The following CIITA variants were observed in gnomAD, a reference collection of about 807,000 sequenced individuals.
The protein encoded by CIITA is class II major histocompatibility complex transactivator, also known as MHC class II transactivator.
CIITA carries 72 observed loss-of-function variants against 115.1 expected under a neutral mutation model. The ratio of observed to expected loss-of-function variants is 0.63; its 90% CI spans 0.52 to 0.76. The LOEUF (loss-of-function observed/expected upper bound fraction) is 0.76, where lower values mean the gene tolerates loss of function less well. CIITA is among the 30% of genes least tolerant of loss of function. The pLI is 0.00. For synonymous variants in CIITA, 763 were observed against 635.6 expected, an observed-to-expected ratio of 1.20 and a Z score of -3.02; for missense variants, 1,617 against 1,463.8, an observed-to-expected ratio of 1.10 and a Z score of -1.71.
intron 1 of CIITA, among the ~76,000 whole-genome samples, chr16:10,878,657 G>C (rs993493678): frequency 6.6e-6 from 1 of 152,196 alleles, no homozygotes; most frequent in African/African-American, 2.4e-5. Context: ...CCCAGGGGTG[G>C]GGACAAGCTC....
chr16:10,868,288 TC>T (rs1475059273), intron 1 of CIITA, among the ~76,000 whole-genome samples: 1 of 148,234 alleles, frequency 6.7e-6, no homozygotes, highest in Non-Finnish European at 1.5e-5. Context: ...CTTGCCCAGG[TC>T]CCCCAGGTGG....
At chr16:10,883,218 C>A (rs969014799) in intron 1 of CIITA, among the ~76,000 whole-genome samples, 2 of 152,194 alleles carry the variant, frequency 1.3e-5, no homozygotes, top group African/African-American at 4.8e-5. Context: ...CCACCCCCTA[C>A]CCCAGCACCA....
intron 1 of CIITA, among the ~76,000 whole-genome samples, chr16:10,887,578 C>T (rs1396716596): frequency 1.3e-5 from 2 of 151,874 alleles, no homozygotes; most frequent in Non-Finnish European, 2.9e-5. Context: ...TCACTGCAAC[C>T]TCCGCCTCCC....
chr16:10,868,530 T>A (rs2035250330), intron 1 of CIITA, among the ~76,000 whole-genome samples: 1 of 152,174 alleles, frequency 6.6e-6, no homozygotes, highest in Non-Finnish European at 1.5e-5. Flanking sequence ...CTCCTAACAG[T>A]CACCTAGGCA....
At chr16:10,915,934 A>T (rs537886233) in intron 14 of CIITA, among the ~76,000 whole-genome samples, 1 of 152,168 alleles carries the variant, frequency 6.6e-6, no homozygotes, top group Non-Finnish European at 1.5e-5. Context: ...GAGTGATGAG[A>T]TGACGCCACA....
Position 10,923,347 on chromosome 16 carries a change from G to T in CIITA, c.*22+22G>T. On this transcript the variant is annotated intron_variant, in intron 19 of 19. Coordinates refer to ENST00000324288, the MANE Select transcript of CIITA (RefSeq NM_000246.4). This position sits in a 1 kb window ranked among gnomAD's most constrained non-coding sequence, Gnocchi z 5.2. ...CAGGGTAACCAGGGTGGGCTTGGGA[G>T]GGGAGAGCCGCAGTGGGTTGGGGGC... 2 of 1,501,198 alleles carry T rather than the reference G, an allele frequency of 1.3e-6. No homozygotes were observed. The highest frequency in any genetic ancestry group is 9.3e-7 in the Non-Finnish European group (1 of 1,079,096). The allele number at this position is 1,501,198 out of a possible 1,614,324, so 93.0% of individuals were successfully genotyped here. A position where few individuals can be genotyped will look rare whatever the true frequency, so the allele number is the denominator to read the frequency against.
At chr16:10,918,037 C>G (rs1218802749) in intron 15 of CIITA, among the ~76,000 whole-genome samples, 1 of 152,216 alleles carries the variant, frequency 6.6e-6, no homozygotes. Context: ...TACTATGTGC[C>G]TGGCAGTGCT....
chr16:10,910,688 A>G, intron 13 of CIITA, among the ~76,000 whole-genome samples: 1 of 152,158 alleles, frequency 6.6e-6, no homozygotes, highest in East Asian at 1.9e-4. Context: ...AGGAATTGTA[A>G]TTTCGCCAGG....
intron 1 of CIITA, among the ~76,000 whole-genome samples, chr16:10,883,056 C>A (rs1050129099): frequency 9.2e-5 from 14 of 152,148 alleles, no homozygotes; most frequent in Non-Finnish European, 2.1e-4. Flanking sequence ...GTAGTCAGAT[C>A]TCAGCAAGCA....
chr16:10,900,003 C>T (rs1282571452), intron 5 of CIITA, among the ~76,000 whole-genome samples: 1 of 152,118 alleles, frequency 6.6e-6, no homozygotes, highest in Non-Finnish European at 1.5e-5. Flanking sequence ...ATCGCTTGAA[C>T]CCAGGAGGTG....
intron 1 of CIITA, among the ~76,000 whole-genome samples, chr16:10,869,503 C>T (rs1223400130): frequency 6.9e-6 from 1 of 144,732 alleles, no homozygotes; most frequent in African/African-American, 2.6e-5. Context: ...GCCCCCTCCC[C>T]AGATTGATTT....
In CIITA at chr16:10,904,825, G is replaced by C; in HGVS notation, c.1006+13G>C. On this transcript the variant is annotated intron_variant, in intron 10 of 19. Transcript: ENST00000324288. ...CCAAAATGGCCTGGTGAGTGATGCG[G>C]GATCTCTCTGCCCTGGGTGGTGGAG... is the stretch of plus-strand genomic sequence containing the variant. 2 of 1,614,034 alleles carry C rather than the reference G, an allele frequency of 1.2e-6. No individual in the cohort carries two copies. Among genetic ancestry groups the C allele is most frequent in the Non-Finnish European group, 1.7e-6 (2 of 1,179,886 alleles).
chr16:10,904,308 G>A (rs1296325359), intron 9 of CIITA, among the ~76,000 whole-genome samples: 4 of 152,062 alleles, frequency 2.6e-5, no homozygotes, highest in African/African-American at 7.2e-5. Flanking sequence ...TGCAACCTCC[G>A]CCCTACAGGT....
upstream of CIITA, among the ~76,000 whole-genome samples, chr16:10,873,103 G>T (rs1416196069): frequency 2.0e-5 from 3 of 152,136 alleles, no homozygotes; most frequent in Non-Finnish European, 4.4e-5. Context: ...CTCCCAAGTA[G>T]CTGGGACTAC....
In CIITA at chr16:10,925,395, C is replaced by T. The variant is rs1022340757; in HGVS notation, c.*1540C>T. ...TGATCACGGCTCACTGCAGCCTCAA[C>T]CTCCTGGGCTAAGTGATCCTCCCAC... On this transcript the variant is annotated 3_prime_UTR_variant, in exon 20 of 20. Coordinates refer to ENST00000324288, the MANE Select transcript of CIITA (RefSeq NM_000246.4). 1.3e-5 allele frequency: 2 copies of T among 152,380 alleles called. No individual in the cohort carries two copies. The highest frequency in any genetic ancestry group is 4.8e-5 in the African/African-American group (2 of 41,464). The allele number at this position is 152,380 out of a possible 1,614,324, so 9.4% of individuals were successfully genotyped here.
At chr16:10,916,306 T>A in intron 14 of CIITA, 61 bp from the exon 15 acceptor site, 1 of 1,527,660 alleles carries the variant, frequency 6.5e-7, no homozygotes, top group Non-Finnish European at 9.0e-7. Flanking sequence ...CTCACTGGGA[T>A]GGGAAGGGTC....
intron 8 of CIITA, among the ~76,000 whole-genome samples, chr16:10,903,196 T>C (rs888741472): frequency 2.0e-5 from 3 of 152,228 alleles, no homozygotes; most frequent in African/African-American, 7.2e-5. Context: ...GTGAATAGTT[T>C]GGTGTGCATC....
chr16:10,914,260 T>G (rs2039797363), intron 13 of CIITA, among the ~76,000 whole-genome samples: 1 of 152,094 alleles, frequency 6.6e-6, no homozygotes, highest in South Asian at 2.1e-4. Flanking sequence ...GATCAAGACT[T>G]AAGGGTGAAG....
chr16:10,906,656 A>G lies in CIITA; in HGVS notation c.1164A>G (p.Ala388=), dbSNP rs1361686008. 2 of 1,613,706 alleles carry G rather than the reference A, an allele frequency of 1.2e-6. No homozygotes were observed. The highest frequency in any genetic ancestry group is 2.2e-5 in the South Asian group (2 of 91,082). ...GGGAACTGGCCACCCCGGACTGGGC[A>G]GAACGGCAGCTGGCCCAAGGAGGCC... ...LERELATPDW[A]ERQLAQGGLA... Residue 388 remains alanine (A), a synonymous_variant, in exon 11 of 20, where the codon GCA becomes GCG. Transcript: ENST00000324288.
Sources: gnomAD v4.1 joint callset for allele counts (sites outside exome capture counted in the v4.1 genomes callset) on GRCh38, gnomAD v4.1.1 for gene constraint, Gnocchi (gnomAD v3.1) non-coding constraint, MANE v1.5 for transcripts, NCBI Gene and HGNC (gene_info 2026-07-23, HGNC 2026-07-21) for gene names.